The following ZNF638 variants were observed in gnomAD, a reference collection of about 807,000 sequenced individuals.
ZNF638 encodes zinc finger protein 638.
In ZNF638, 46 loss-of-function variants were observed where a neutral mutation model predicts 195.6. The ratio of observed to expected loss-of-function variants is 0.24; its 90% CI spans 0.19 to 0.30. The LOEUF (loss-of-function observed/expected upper bound fraction) is 0.30, where lower values mean the gene tolerates loss of function less well. ZNF638 is among the 10% of genes least tolerant of loss of function. The probability of loss-of-function intolerance (pLI) is 1.00; values close to 1 mark genes in which losing one functional copy is unlikely to be tolerated. For synonymous variants in ZNF638, 845 were observed against 772.0 expected (o/e 1.09, Z -1.57); for missense variants, 2,440 against 2,325.3 (o/e 1.05, Z -1.01).
In ZNF638 at chr2:71,400,533, T is replaced by A. The variant is rs750287597; in HGVS notation, c.2697+15T>A. 26 of 1,591,822 alleles carry A rather than the reference T, an allele frequency of 1.6e-5. No homozygotes were observed. The highest frequency in any genetic ancestry group is 5.4e-5 in the African/African-American group (4 of 73,616). On this transcript the variant is annotated intron_variant, in intron 15 of 27. Coordinates refer to ENST00000264447, the MANE Select transcript of ZNF638 (RefSeq NM_014497.5). ...CACTTAACAAGGTCAGTTTTCATGTTTTATTTATTTCTTTAAAGCTCAAGA... is the reference window on the plus strand; with the variant it reads ...CACTTAACAAGGTCAGTTTTCATGTATTATTTATTTCTTTAAAGCTCAAGA...
chr2:71,335,309 T>C (rs1457747941), intron 1 of ZNF638, among the ~76,000 whole-genome samples: 2 of 152,208 alleles, frequency 1.3e-5, no homozygotes, highest in African/African-American at 4.8e-5. Context: ...CCTAAATTGC[T>C]GGGATTACAG....
intron 7 of ZNF638, among the ~76,000 whole-genome samples, chr2:71,369,488 G>A (rs1313596592): frequency 6.6e-6 from 1 of 152,036 alleles, no homozygotes; most frequent in Non-Finnish European, 1.5e-5. Flanking sequence ...TTTTTAAAAA[G>A]TTTGTGAGTC....
chr2:71,398,482 T>A (rs1296013690), intron 11 of ZNF638, among the ~76,000 whole-genome samples: 1 of 152,190 alleles, frequency 6.6e-6, no homozygotes, highest in Non-Finnish European at 1.5e-5. Context: ...TATACCCCAG[T>A]AGGGAGGTAA....
chr2:71,363,466 G>A (rs1437618148), intron 4 of ZNF638, among the ~76,000 whole-genome samples: 1 of 152,144 alleles, frequency 6.6e-6, no homozygotes, highest in African/African-American at 2.4e-5. Context: ...AATGCTAGGA[G>A]TGATATTATT....
chr2:71,406,108 T>A lies in ZNF638; in HGVS notation c.3001-20T>A, dbSNP rs1426394077. ...GCTTCAGCTGTGGTTTTTTCTGTGC[T>A]GTCTCTTAAAAAACTACAGGCAAAC... On this transcript the variant is annotated intron_variant, in intron 18 of 27. Transcript: ENST00000264447. 2 of 1,612,484 alleles carry A rather than the reference T, an allele frequency of 1.2e-6. No homozygotes were observed. The highest frequency in any genetic ancestry group is 1.7e-6 in the Non-Finnish European group (2 of 1,179,060).
intron 10 of ZNF638, chr2:71,395,758 C>A: frequency 2.6e-6 from 1 of 386,244 alleles, no homozygotes; most frequent in Non-Finnish European, 4.8e-6. Context: ...TGCAAAATAC[C>A]TGTGTCTGTG....
chr2:71,369,290 T>C (rs1168365518), intron 7 of ZNF638, among the ~76,000 whole-genome samples: 3 of 142,700 alleles, frequency 2.1e-5, no homozygotes, highest in Non-Finnish European at 1.5e-5. Context: ...GCCGCTGCAC[T>C]CTAGCCTGGG....
chr2:71,401,018 A>C (rs988421000), intron 15 of ZNF638, among the ~76,000 whole-genome samples: 2 of 152,156 alleles, frequency 1.3e-5, no homozygotes, highest in South Asian at 2.1e-4. Flanking sequence ...TCATTAATTT[A>C]CATTTTACTG....
chr2:71,367,808 C>T lies in ZNF638; in HGVS notation c.1996-574C>T, dbSNP rs569070603. Among the ~76,000 whole-genome samples, 19 of 150,982 alleles carry T rather than the reference C, an allele frequency of 1.3e-4. 1 individual carries two copies. Among genetic ancestry groups the T allele is most frequent in the South Asian group, 6.3e-4 (3 of 4,750 alleles). On this transcript the variant is annotated intron_variant, in intron 6 of 27. Coordinates refer to ENST00000264447, the MANE Select transcript of ZNF638 (RefSeq NM_014497.5). ...CTGGTCTTAAACTCCTGGCCTCAAGCGATCTTTCTGCCTTGGCCTCCCAAA... is the reference window on the plus strand; with the variant it reads ...CTGGTCTTAAACTCCTGGCCTCAAGTGATCTTTCTGCCTTGGCCTCCCAAA...
intron 20 of ZNF638, among the ~76,000 whole-genome samples, chr2:71,411,910 A>G (rs2080236431): frequency 1.7e-5 from 1 of 57,720 alleles, no homozygotes; most frequent in South Asian, 9.2e-4. Flanking sequence ...AGTCTTTGCT[A>G]TTGTGAATAG....
rs2079889562 is a variant in ZNF638, at chr2:71,396,163, A to G, written c.2400A>G (p.Ala800=). Residue 800 remains alanine, a synonymous_variant, in exon 11 of 28, where the codon GCA becomes GCG. Transcript: ENST00000264447. ...TAGCCAAAACTGGACAAGCCAAGGC[A>G]TCTGTAGCCAAAGTAAACAAATCTA... is the stretch of plus-strand genomic sequence containing the variant. The part of the protein sequence containing the change: ...TSAAKTGQAK[A]SVAKVNKSTG... 4 of 1,613,388 alleles carry G rather than the reference A, an allele frequency of 2.5e-6. 1 individual carries two copies. The African/African-American group carries it at 4.0e-5, about 16-fold the overall frequency.
At chr2:71,428,498 A>G (rs745325586) in intron 24 of ZNF638, 49 bp from the exon 25 acceptor site, 1 of 1,505,894 alleles carries the variant, frequency 6.6e-7, no homozygotes, top group Admixed American at 2.0e-5. Context: ...AATTTAAAGC[A>G]ATTTAAATAC....
intron 10 of ZNF638, chr2:71,393,328 A>G (rs1304397965): frequency 4.3e-6 from 3 of 692,806 alleles, no homozygotes; most frequent in Non-Finnish European, 8.1e-6. Flanking sequence ...ATAGTAACGT[A>G]TGGTGTAGTC....
chr2:71,371,842 A>G (rs1182972058), intron 8 of ZNF638, among the ~76,000 whole-genome samples: 1 of 151,612 alleles, frequency 6.6e-6, no homozygotes, highest in African/African-American at 2.4e-5. Flanking sequence ...ATAGTTTGCA[A>G]TTATTTTCTC....
chr2:71,374,622 A>G (rs763516573), intron 8 of ZNF638, among the ~76,000 whole-genome samples: 4 of 152,226 alleles, frequency 2.6e-5, no homozygotes, highest in East Asian at 3.8e-4. Flanking sequence ...AAGTCTTTCT[A>G]TCAAAAAACA....
intron 1 of ZNF638, among the ~76,000 whole-genome samples, chr2:71,332,235 C>T (rs1385773967): frequency 2.6e-5 from 4 of 152,250 alleles, no homozygotes; most frequent in Admixed American, 2.0e-4. Context: ...CCCAGCAGCG[C>T]CCGGCCTGCC....
At chr2:71,398,174 A>G (rs1348369887) in intron 11 of ZNF638, among the ~76,000 whole-genome samples, 1 of 152,162 alleles carries the variant, frequency 6.6e-6, no homozygotes, top group Non-Finnish European at 1.5e-5. Context: ...TTGGGAGCAG[A>G]AGTGTTTTAG....
rs745367329 is a variant in ZNF638 at position 71,402,026 on chromosome 2, A to G, written c.2768A>G (p.Tyr923Cys). The change falls in exon 16 of 28, where the codon TAT becomes TGT. Residue 923 changes from tyrosine (Y) to cysteine (C), a missense_variant. Tyr to Cys is a radical substitution (Grantham distance 194, BLOSUM62 -2). Transcript: ENST00000264447. ...PNKGYSVEEV[Y>C]DLAKPFGGLK... ...AAAGGATATTCTGTAGAAGAAGTTT[A>G]TGACTTAGCAAAACCATTTGGTGGT... The G allele has an allele frequency of 1.7e-4, 277 of 1,609,462 alleles. No homozygotes were observed. Among genetic ancestry groups the G allele is most frequent in the Non-Finnish European group, 2.1e-4 (248 of 1,177,598 alleles).
At chr2:71,422,271 T>G (rs2080448152) in intron 21 of ZNF638, among the ~76,000 whole-genome samples, 1 of 152,044 alleles carries the variant, frequency 6.6e-6, no homozygotes, top group African/African-American at 2.4e-5. Context: ...ATATGGTTCT[T>G]GGGTAATTAA....
Sources: allele counts gnomAD v4.1 joint callset (sites outside exome capture counted in the v4.1 genomes callset), GRCh38; gene constraint gnomAD v4.1.1; transcripts MANE v1.5; gene names NCBI Gene and HGNC (gene_info 2026-07-23, HGNC 2026-07-21).